Variants in SREBF2 observed in about 807,000 individuals in gnomAD.
SREBF2 encodes sterol regulatory element binding transcription factor 2, also known as sterol regulatory element-binding protein 2.
In SREBF2, 55 loss-of-function variants were observed where a neutral mutation model predicts 113.1. That is an observed-to-expected ratio of 0.49 (90% CI 0.39 to 0.61). The LOEUF (loss-of-function observed/expected upper bound fraction) is 0.61, where lower values mean the gene tolerates loss of function less well. Ranked by LOEUF, SREBF2 falls within the 20% of genes least tolerant of loss-of-function variation. The pLI, the probability that SREBF2 is intolerant of heterozygous loss-of-function variation, is 0.00. For missense variants in SREBF2, 1,349 were observed against 1,487.4 expected (o/e 0.91, Z 1.53); for synonymous variants, 593 against 605.7 (o/e 0.98, Z 0.31).
intron 1 of SREBF2, among the ~76,000 whole-genome samples, chr22:41,854,817 G>A (rs1328999000): frequency 6.6e-6 from 1 of 151,876 alleles, no homozygotes; most frequent in East Asian, 1.9e-4. Flanking sequence ...GGAGCCAGAG[G>A]CTGCAGTGAG....
At chr22:41,900,783 G>A (rs1356255851) in intron 16 of SREBF2, among the ~76,000 whole-genome samples, 1 of 152,186 alleles carries the variant, frequency 6.6e-6, no homozygotes, top group African/African-American at 2.4e-5. Context: ...GTGCACCCCA[G>A]CTGGCCAGGG....
Position 41,905,978 on chromosome 22 carries a change from G to C in SREBF2, c.*318G>C. On this transcript the variant is annotated 3_prime_UTR_variant, in exon 19 of 19. Coordinates refer to ENST00000361204, the MANE Select transcript of SREBF2 (RefSeq NM_004599.4). ...CAGCCTTCCTGAGTTTCTCTCTCCT[G>C]AACCCTACTCTCTCCTTTTTGCTTC... 1.7e-6 allele frequency: 1 copy of C among 584,252 alleles called. No individual in the cohort carries two copies. Among genetic ancestry groups the C allele is most frequent in the Non-Finnish European group, 3.2e-6 (1 of 309,640 alleles). The allele number at this position is 584,252 out of a possible 1,614,324, so 36.2% of individuals were successfully genotyped here.
chr22:41,868,554 C>G, intron 2 of SREBF2, 57 bp from the exon 3 acceptor site: 3 of 1,584,944 alleles, frequency 1.9e-6, no homozygotes, highest in South Asian at 1.1e-5. Context: ...TCTGCTGCAG[C>G]TGCAGTGACA....
Position 41,833,368 on chromosome 22 carries a change from G to C in SREBF2, c.88+10G>C. 1 of 1,514,098 alleles carries C rather than the reference G, an allele frequency of 6.6e-7. No individual in the cohort carries two copies. Among genetic ancestry groups the C allele is most frequent in the Non-Finnish European group, 8.9e-7 (1 of 1,123,086 alleles). 93.8% of individuals were successfully genotyped at this position (1,514,098 alleles called of 1,614,324 possible). Reference sequence around the variant, plus strand: ...CTGGGAGACATCGACGGTGAGTGGTGGGTGGGTGGGAGTGCGGGGGCCGCG... The same window carrying C: ...CTGGGAGACATCGACGGTGAGTGGTCGGTGGGTGGGAGTGCGGGGGCCGCG... On this transcript the variant is annotated intron_variant, in intron 1 of 18. Transcript: ENST00000361204. This position sits in a 1 kb window ranked among gnomAD's most constrained non-coding sequence, Gnocchi z 4.1.
chr22:41,843,824 A>G (rs929186605), intron 1 of SREBF2, among the ~76,000 whole-genome samples: 2 of 151,734 alleles, frequency 1.3e-5, no homozygotes, highest in African/African-American at 4.8e-5. Context: ...CCTGGACAAC[A>G]TAGTGAGACC....
chr22:41,899,120 G>T, intron 15 of SREBF2: 1 of 799,724 alleles, frequency 1.3e-6, no homozygotes, highest in Non-Finnish European at 1.7e-6. Flanking sequence ...GCTTTGTGGT[G>T]GAGGCAGGCA....
chr22:41,848,196 A>C (rs138632028), intron 1 of SREBF2, among the ~76,000 whole-genome samples: 7 of 152,148 alleles, frequency 4.6e-5, no homozygotes, highest in African/African-American at 1.7e-4. Context: ...GGTGCGCTGT[A>C]CCCACTAACT....
chr22:41,873,407 ATG>A (rs1450850524), intron 4 of SREBF2, among the ~76,000 whole-genome samples: 1 of 152,170 alleles, frequency 6.6e-6, no homozygotes, highest in Non-Finnish European at 1.5e-5. Flanking sequence ...AGAGGAAAAA[ATG>A]TGTCATACAC....
chr22:41,906,300 G>A lies in SREBF2; in HGVS notation c.*640G>A. 2 of 231,118 alleles carry A rather than the reference G, an allele frequency of 8.7e-6. No individual in the cohort carries two copies. The highest frequency in any genetic ancestry group is 1.8e-3 in the Middle Eastern group (1 of 560). The allele number at this position is 231,118 out of a possible 1,614,324, so 14.3% of individuals were successfully genotyped here. ...GGAGGCTGGTGGGAGGCAGGGGGCA[G>A]GCCTGCGGATGCATGAAATAATGTT... On this transcript the variant is annotated 3_prime_UTR_variant, in exon 19 of 19. Transcript: ENST00000361204.
intron 11 of SREBF2, 40 bp from the exon 12 acceptor site, chr22:41,893,077 T>C (rs1370150011): frequency 1.2e-6 from 2 of 1,610,078 alleles, no homozygotes; most frequent in Non-Finnish European, 1.7e-6. Context: ...GCCAGCATTC[T>C]GCCACCTTGG....
At chr22:41,862,495 G>T (rs1020400628) in intron 1 of SREBF2, among the ~76,000 whole-genome samples, 14 of 152,134 alleles carry the variant, frequency 9.2e-5, no homozygotes, top group Admixed American at 6.6e-5. Context: ...GTGGCCTGCC[G>T]TAGGAACTGG....
intron 9 of SREBF2, among the ~76,000 whole-genome samples, chr22:41,880,264 A>T (rs1305699598): frequency 2.0e-5 from 3 of 152,150 alleles, no homozygotes; most frequent in Non-Finnish European, 4.4e-5. Context: ...TCTAAAAGCT[A>T]CTGCTGGCCG....
At chr22:41,892,438 A>G (rs1490234260) in intron 11 of SREBF2, among the ~76,000 whole-genome samples, 2 of 152,098 alleles carry the variant, frequency 1.3e-5, no homozygotes, top group South Asian at 2.1e-4. Flanking sequence ...TCACGAGGTC[A>G]AGAGATCGAG....
chr22:41,905,508 C>G lies in SREBF2; in HGVS notation c.3274C>G (p.Pro1092Ala). The G allele has an allele frequency of 6.3e-7, 1 of 1,582,618 alleles. No individual in the cohort carries two copies. The highest frequency in any genetic ancestry group is 8.6e-7 in the Non-Finnish European group (1 of 1,164,780). The change falls in exon 19 of 19, where the codon CCC (proline) becomes GCC (alanine). Residue 1092 changes from proline to alanine, a missense_variant. Physicochemically the swap from Pro to Ala is conservative, Grantham distance 27. This residue lies in a region of SREBF2 where 650 missense variants were observed against 644.1 expected (regional missense o/e 1.01). Coordinates refer to ENST00000361204, the MANE Select transcript of SREBF2 (RefSeq NM_004599.4). ...TAILLACRHLPLSFLSSPGQR... is the reference protein window; with the variant it reads ...TAILLACRHLALSFLSSPGQR... ...CATCCTGCTGGCCTGCCGCCACCTG[C>G]CCCTCTCCTTCCTCTCCTCCCCGGG...
intron 3 of SREBF2, among the ~76,000 whole-genome samples, chr22:41,869,373 C>A (rs192744094): frequency 1.4e-5 from 2 of 139,586 alleles, no homozygotes; most frequent in Admixed American, 1.5e-4. Context: ...GGATTACAGA[C>A]GTGAGCCACT....
intron 9 of SREBF2, among the ~76,000 whole-genome samples, chr22:41,880,147 A>C (rs2077231605): frequency 6.6e-6 from 1 of 152,244 alleles, no homozygotes; most frequent in African/African-American, 2.4e-5. Context: ...TTGCATTTCT[A>C]ACAAGCTCCT....
intron 11 of SREBF2, among the ~76,000 whole-genome samples, chr22:41,888,969 T>C (rs563438986): frequency 5.7e-4 from 87 of 152,322 alleles, no homozygotes; most frequent in South Asian, 1.7e-3. Context: ...GAGCCAGTTG[T>C]TGGGGGCAAG....
chr22:41,900,040 G>A (rs185059964), intron 15 of SREBF2: 365 of 1,339,908 alleles, frequency 2.7e-4, no homozygotes, highest in Non-Finnish European at 3.4e-4. Context: ...TGAGGCACAC[G>A]TTGGAATGAC....
chr22:41,869,103 T>G (rs946453773), intron 3 of SREBF2, among the ~76,000 whole-genome samples: 2 of 152,164 alleles, frequency 1.3e-5, no homozygotes, highest in African/African-American at 2.4e-5. Context: ...GTTGTGTTTT[T>G]TTGTTGTTGT....
Sources: allele counts gnomAD v4.1 joint callset (sites outside exome capture counted in the v4.1 genomes callset), GRCh38; gene constraint gnomAD v4.1.1; regional missense constraint gnomAD v4.1.1; non-coding constraint Gnocchi (gnomAD v3.1); transcripts MANE v1.5; gene names NCBI Gene and HGNC (gene_info 2026-07-23, HGNC 2026-07-21).